FRMD6: variants seen among roughly 807,000 people sequenced by gnomAD.
FRMD6 encodes FERM domain-containing protein 6.
FRMD6 carries 37 observed loss-of-function variants against 73.2 expected under a neutral mutation model. The observed-to-expected ratio is 0.51, with a 90% CI of 0.39 to 0.66. FRMD6 has a LOEUF of 0.66. FRMD6 is among the 30% of genes least tolerant of loss of function. FRMD6 has a pLI of 0.00. For missense variants in FRMD6, 714 were observed against 780.5 expected, an observed-to-expected ratio of 0.91 and a Z score of 1.02; for synonymous variants, 273 against 282.2, an observed-to-expected ratio of 0.97 and a Z score of 0.33.
the FRMD6 span, among the ~76,000 whole-genome samples, chr14:51,409,119 C>T: frequency 6.6e-6 from 1 of 152,058 alleles, no homozygotes; most frequent in Non-Finnish European, 1.5e-5. Context: ...TATTTTTAGT[C>T]TACTCCTTAC....
the FRMD6 span, among the ~76,000 whole-genome samples, chr14:51,440,146 C>A: frequency 6.6e-6 from 1 of 152,196 alleles, no homozygotes; most frequent in Non-Finnish European, 1.5e-5. Flanking sequence ...AAAGAGCTAA[C>A]AAACTTCAGC....
At chr14:51,463,706 A>G in the FRMD6 span, among the ~76,000 whole-genome samples, 12 of 152,360 alleles carry the variant, frequency 7.9e-5, no homozygotes, top group Admixed American at 7.8e-4. Flanking sequence ...GCACTCTACC[A>G]GACACATTGT....
At chr14:51,645,987 C>T (rs914782770) in intron 2 of FRMD6, among the ~76,000 whole-genome samples, 6 of 152,020 alleles carry the variant, frequency 3.9e-5, no homozygotes, top group Non-Finnish European at 5.9e-5. Context: ...CCCACTGTTC[C>T]AGTTCAGTAT....
intron 2 of FRMD6, chr14:51,599,826 C>G (rs764338194): frequency 6.0e-5 from 9 of 150,226 alleles, no homozygotes; most frequent in Non-Finnish European, 1.2e-4. Context: ...GAAACACATA[C>G]CTTTGAGAAC....
chr14:51,514,939 GC>G (rs1884535809), intron 1 of FRMD6, among the ~76,000 whole-genome samples: 1 of 152,216 alleles, frequency 6.6e-6, no homozygotes. Context: ...TGTGGGTATT[GC>G]TTTTTGTGTG....
chr14:51,487,276 A>T (rs1055930422), upstream of FRMD6, among the ~76,000 whole-genome samples: 2 of 152,200 alleles, frequency 1.3e-5, no homozygotes, highest in Admixed American at 1.3e-4. Flanking sequence ...AAGAATTTTG[A>T]TTACATTATT....
At position 51,698,189 on chromosome 14, in the gene FRMD6, C is replaced by T. The variant is rs1322515108; in HGVS notation, c.147C>T (p.Leu49=). 2.5e-6 allele frequency: 4 copies of T among 1,612,586 alleles called. No individual in the cohort carries two copies. Among genetic ancestry groups the T allele is most frequent in the South Asian group, 1.1e-5 (1 of 90,996 alleles). ...TGCTGGTCCAGGTTTGTGACCTGCT[C>T]AGGCTAAAGGACTGCCACCTCTTTG... ...HQLLVQVCDL[L]RLKDCHLFGL... The change falls in exon 3 of 14, where the codon CTC becomes CTT. Residue 49 remains leucine, a synonymous_variant. Coordinates refer to ENST00000344768, the MANE Select transcript of FRMD6 (RefSeq NM_001267046.2).
intron 1 of FRMD6, among the ~76,000 whole-genome samples, chr14:51,689,437 G>A (rs1279756369): frequency 6.6e-6 from 1 of 152,296 alleles, no homozygotes; most frequent in Non-Finnish European, 1.5e-5. Context: ...GTAGTACTTA[G>A]TACATCCTTG....
chr14:51,725,880 G>A lies in FRMD6; in HGVS notation c.1584+10G>A, dbSNP rs746481540. ...TGATTCTCTTCCACAGGTATTAAAG[G>A]AATTGAAAAATATCAGTTAGGAAAC... On this transcript the variant is annotated intron_variant, in intron 13 of 13. Coordinates refer to ENST00000344768, the MANE Select transcript of FRMD6 (RefSeq NM_001267046.2). 1.9e-6 allele frequency: 3 copies of A among 1,595,220 alleles called. No individual in the cohort carries two copies. The highest frequency in any genetic ancestry group is 2.2e-5 in the East Asian group (1 of 44,762).
rs1896079064 is a variant in FRMD6, at chr14:51,698,323, A to T, written c.190+91A>T. 5.3e-6 allele frequency: 4 copies of T among 748,306 alleles called. No homozygotes were observed. The East Asian group carries it at 8.0e-5, about 15-fold the overall frequency. 46.4% of individuals were successfully genotyped at this position (748,306 alleles called of 1,614,324 possible). ...TATAACTTAAATTGGGCCTATTGTT[A>T]TAAAACTGTGATTGTCAAAATACCC... On this transcript the variant is annotated intron_variant, in intron 3 of 13. Coordinates refer to ENST00000344768, the MANE Select transcript of FRMD6 (RefSeq NM_001267046.2).
chr14:51,722,695 A>C (rs1217957855), intron 12 of FRMD6, among the ~76,000 whole-genome samples: 2 of 152,232 alleles, frequency 1.3e-5, no homozygotes, highest in African/African-American at 4.8e-5. Flanking sequence ...ATCTTTAAAA[A>C]ACGGCAGCAG....
chr14:51,702,512 G>C lies in FRMD6; in HGVS notation c.295G>C (p.Gly99Arg). Residue 99 changes from glycine to arginine, a missense_variant and splice_region_variant, in exon 5 of 14, where the codon GGT becomes CGT. Physicochemically the swap from Gly to Arg is moderately radical, Grantham distance 125. Coordinates refer to ENST00000344768, the MANE Select transcript of FRMD6 (RefSeq NM_001267046.2). Reference sequence around the variant, plus strand: ...TTTTTGTGTGTGCTTTTGTTTCTAGGGTATCGACCAATTTGGGCCTCCTAT... The same window carrying C: ...TTTTTGTGTGTGCTTTTGTTTCTAGCGTATCGACCAATTTGGGCCTCCTAT... ...SKVRQYEVTW[G>R]IDQFGPPMII... 1 of 1,610,772 alleles carries C rather than the reference G, an allele frequency of 6.2e-7. No individual in the cohort carries two copies. Among genetic ancestry groups the C allele is most frequent in the African/African-American group, 1.3e-5 (1 of 74,808 alleles).
chr14:51,412,730 T>C, the FRMD6 span, among the ~76,000 whole-genome samples: 9 of 151,936 alleles, frequency 5.9e-5, no homozygotes, highest in South Asian at 2.1e-4. Flanking sequence ...TGGGCACCTG[T>C]AGTCCCAGCT....
chr14:51,429,594 T>C, the FRMD6 span, among the ~76,000 whole-genome samples: 1 of 152,192 alleles, frequency 6.6e-6, no homozygotes, highest in Non-Finnish European at 1.5e-5. Context: ...TTGGACAGAA[T>C]GATCCGTTTC....
Position 51,728,298 on chromosome 14 carries a change from A to G in FRMD6, c.*269A>G. Reference sequence around the variant, plus strand: ...AAGGAAATGCGCTTTACTGATTGCAAAGCCTTCAGAATATTGGAGTGTGGT... The same window carrying G: ...AAGGAAATGCGCTTTACTGATTGCAGAGCCTTCAGAATATTGGAGTGTGGT... On this transcript the variant is annotated 3_prime_UTR_variant, in exon 14 of 14. Transcript: ENST00000344768. 2 of 385,832 alleles carry G rather than the reference A, an allele frequency of 5.2e-6. No individual in the cohort carries two copies. Among genetic ancestry groups the G allele is most frequent in the Non-Finnish European group, 9.4e-6 (2 of 212,982 alleles). 23.9% of individuals were successfully genotyped at this position (385,832 alleles called of 1,614,324 possible).
intron 7 of FRMD6, among the ~76,000 whole-genome samples, chr14:51,711,172 C>A (rs987453344): frequency 2.9e-5 from 4 of 137,370 alleles, no homozygotes; most frequent in Non-Finnish European, 6.2e-5. Context: ...GATGGAAGGT[C>A]AAAAAAATCA....
At chr14:51,463,004 A>G in the FRMD6 span, among the ~76,000 whole-genome samples, 9,676 of 152,302 alleles carry the variant, frequency 0.064, 562 homozygotes, top group Admixed American at 0.19. Flanking sequence ...CTAGATTGTT[A>G]TAAAAATAAA....
chr14:51,493,737 C>T (rs1478260932), intron 1 of FRMD6, among the ~76,000 whole-genome samples: 1 of 152,156 alleles, frequency 6.6e-6, no homozygotes, highest in African/African-American at 2.4e-5. Flanking sequence ...TTACTCAGGC[C>T]AATTCCTTAT....
intron 1 of FRMD6, among the ~76,000 whole-genome samples, chr14:51,652,755 A>G (rs953728905): frequency 2.0e-5 from 3 of 152,208 alleles, no homozygotes; most frequent in Non-Finnish European, 4.4e-5. Flanking sequence ...GAACAGGAGC[A>G]CCGGATTCGG....
Sources: gnomAD v4.1 joint callset for allele counts (sites outside exome capture counted in the v4.1 genomes callset) on GRCh38, gnomAD v4.1.1 for gene constraint, MANE v1.5 for transcripts, NCBI Gene and HGNC (gene_info 2026-07-23, HGNC 2026-07-21) for gene names.